The following MYO1H variants were observed in gnomAD, a reference collection of about 807,000 sequenced individuals.
MYO1H encodes myosin IH, also known as unconventional myosin-Ih.
MYO1H carries 118 observed loss-of-function variants against 149.3 expected under a neutral mutation model. The observed-to-expected ratio is 0.79, with a 90% CI of 0.68 to 0.92. The LOEUF (loss-of-function observed/expected upper bound fraction) is 0.92, where lower values mean the gene tolerates loss of function less well. Ranked by LOEUF, MYO1H falls within the 40% of genes least tolerant of loss-of-function variation. The pLI is 0.00. For missense variants in MYO1H, 1,212 were observed against 1,280.7 expected (o/e 0.95, Z 0.82); for synonymous variants, 447 against 465.2 (o/e 0.96, Z 0.50).
rs180730928 is a variant in MYO1H at position 109,442,714 on chromosome 12, G to C, written c.2688+442G>C. On this transcript the variant is annotated intron_variant, in intron 27 of 31. Transcript: ENST00000310903. ...GGTTTACTGAGAGGATGAATGAGTCGGTGGGCGAGAGGTGCTCAGGCTGCT... is the reference window on the plus strand; with the variant it reads ...GGTTTACTGAGAGGATGAATGAGTCCGTGGGCGAGAGGTGCTCAGGCTGCT... 1.3e-3 allele frequency among the ~76,000 whole-genome samples: 193 copies of C among 151,808 alleles called. 2 individuals are homozygous for C. Among genetic ancestry groups the C allele is most frequent in the African/African-American group, 4.5e-3 (187 of 41,388 alleles).
chr12:109,366,222 T>C (rs1210681572), intron 1 of MYO1H, among the ~76,000 whole-genome samples: 6 of 152,202 alleles, frequency 3.9e-5, no homozygotes, highest in African/African-American at 1.2e-4. Flanking sequence ...CAATCACTTC[T>C]TTTTGCAAAA....
chr12:109,415,533 C>G, exon 15 of MYO1H: 1 of 1,604,554 alleles, frequency 6.2e-7, no homozygotes. Context: ...TAGCCGTAAG[C>G]TGGCTGGTCC....
chr12:109,422,909 A>G (rs934164185), intron 16 of MYO1H, among the ~76,000 whole-genome samples: 1 of 151,834 alleles, frequency 6.6e-6, no homozygotes, highest in African/African-American at 2.4e-5. Flanking sequence ...CCCCATCCTT[A>G]TCAAAAAAAA....
rs200552365 is a variant in MYO1H at position 109,439,662 on chromosome 12, C to T, written c.2326C>T (p.Pro776Ser). 519 of 1,613,482 alleles carry T rather than the reference C, an allele frequency of 3.2e-4. No individual in the cohort carries two copies. The African/African-American group carries it at 5.9e-3, about 18-fold the overall frequency. ...TAAAGGATTCATCAGTCGCAACAAA[C>T]CCCTCTGTCCTGACAACGAGGAATT... Residue 776 changes from proline (P) to serine (S), a missense_variant, in exon 24 of 32, where the codon CCC becomes TCC. Pro to Ser is a moderately conservative substitution (Grantham distance 74). Coordinates refer to ENST00000310903, the Ensembl canonical transcript of MYO1H.
Position 109,443,009 on chromosome 12 carries a change from A to AATATATAT in MYO1H, c.2689-492_2689-485dup, listed in dbSNP as rs1335069078. Among the ~76,000 whole-genome samples, 4 of 58,496 alleles carry AATATATAT rather than the reference A, an allele frequency of 6.8e-5. 2 individuals are homozygous for AATATATAT. The highest frequency in any genetic ancestry group is 3.0e-4 in the Admixed American group (2 of 6,730). 38.4% of individuals were successfully genotyped at this position (58,496 alleles called of 152,430 possible). On this transcript the variant is annotated intron_variant, in intron 27 of 31. Transcript: ENST00000310903. ...TGCAGAGAGCCAGGAAAAAAAAAAA[A>AATATATAT]ATATATATATATATATATATGTGTG... is the stretch of plus-strand genomic sequence containing the variant.
chr12:109,375,233 G>A (rs1399477249), intron 1 of MYO1H, among the ~76,000 whole-genome samples: 1 of 148,770 alleles, frequency 6.7e-6, no homozygotes, highest in African/African-American at 2.5e-5. Context: ...GCTCACTGCA[G>A]CCTCCACCTC....
chr12:109,372,859 T>A (rs1869010216), intron 1 of MYO1H, among the ~76,000 whole-genome samples: 1 of 142,230 alleles, frequency 7.0e-6, no homozygotes, highest in African/African-American at 2.5e-5. Flanking sequence ...AATTAATAAC[T>A]ATATGATATT....
chr12:109,427,617 T>G, intron 19 of MYO1H, 31 bp downstream of exon 19: 1 of 1,424,588 alleles, frequency 7.0e-7, no homozygotes, highest in East Asian at 2.3e-5. Flanking sequence ...CTGAAGCCAA[T>G]AGTCATGTGC....
upstream of MYO1H, among the ~76,000 whole-genome samples, chr12:109,344,718 C>T (rs1432961644): frequency 6.6e-6 from 1 of 152,154 alleles, no homozygotes; most frequent in Non-Finnish European, 1.5e-5. Flanking sequence ...TTTTACATTT[C>T]CTGATTTTAA....
At chr12:109,389,990 G>GA (rs1252222863) in intron 2 of MYO1H, among the ~76,000 whole-genome samples, 2 of 152,016 alleles carry the variant, frequency 1.3e-5, no homozygotes, top group Admixed American at 6.6e-5. Context: ...ACAGGAAAAG[G>GA]AAAAAATAGC....
At chr12:109,432,862 G>A (rs1049579613) in intron 19 of MYO1H, 35 bp from the exon 20 acceptor site, 12 of 1,579,608 alleles carry the variant, frequency 7.6e-6, no homozygotes, top group South Asian at 3.3e-5. Flanking sequence ...AGGAAGGTAC[G>A]GTCACAGCTT....
chr12:109,425,218 C>A (rs1871312948), intron 17 of MYO1H, among the ~76,000 whole-genome samples: 1 of 152,156 alleles, frequency 6.6e-6, no homozygotes, highest in Non-Finnish European at 1.5e-5. Context: ...TCCATAGTCC[C>A]AGCTACTTTC....
At chr12:109,342,957 C>G (rs1377337106), upstream of MYO1H, among the ~76,000 whole-genome samples, 1 of 151,942 alleles carries the variant, frequency 6.6e-6, no homozygotes, top group African/African-American at 2.4e-5. Flanking sequence ...ATGGCTCATA[C>G]TTGTTATCCC....
In MYO1H at chr12:109,443,009, A is replaced by AAATAT. The variant is rs1371725807; in HGVS notation, c.2689-504_2689-503insATATA. ...TGCAGAGAGCCAGGAAAAAAAAAAA[A>AAATAT]ATATATATATATATATATATGTGTG... On this transcript the variant is annotated intron_variant, in intron 27 of 31. Transcript: ENST00000310903. Among the ~76,000 whole-genome samples the AAATAT allele has an allele frequency of 4.3e-4, 25 of 58,494 alleles. 6 individuals carry two copies. The highest frequency in any genetic ancestry group is 1.8e-3 in the African/African-American group (17 of 9,328). The allele number at this position is 58,494 out of a possible 152,430, so 38.4% of individuals were successfully genotyped here.
At position 109,388,593 on chromosome 12, in the gene MYO1H, G is replaced by C. The variant is rs1251905470; in HGVS notation, c.13-90G>C. On this transcript the variant is annotated intron_variant, in intron 1 of 31. Coordinates refer to ENST00000310903, the Ensembl canonical transcript of MYO1H. ...TTAATGCTGGCTCTCTACTATCCCA[G>C]GGTTTAGCATCTTGTTATTTCCATG... 3.3e-6 allele frequency: 4 copies of C among 1,209,218 alleles called. No homozygotes were observed. In the Admixed American group the frequency reaches 1.0e-4, roughly 31 times the overall value. The allele number at this position is 1,209,218 out of a possible 1,614,324, so 74.9% of individuals were successfully genotyped here.
At chr12:109,379,744 T>G (rs2137023573) in intron 1 of MYO1H, among the ~76,000 whole-genome samples, 1 of 144,550 alleles carries the variant, frequency 6.9e-6, no homozygotes, top group East Asian at 2.0e-4. Flanking sequence ...TTTTTTTTTT[T>G]TTTTTTTGAG....
intron 6 of MYO1H, among the ~76,000 whole-genome samples, chr12:109,402,300 T>A (rs1432789791): frequency 2.6e-5 from 4 of 152,250 alleles, no homozygotes; most frequent in African/African-American, 9.6e-5. Context: ...ACATTTTTTT[T>A]ATTTTTCTCT....
the MYO1H span, among the ~76,000 whole-genome samples, chr12:109,341,815 T>C: frequency 1.3e-5 from 2 of 152,296 alleles, no homozygotes; most frequent in South Asian, 4.1e-4. Flanking sequence ...CCTGGGTTAT[T>C]ACTAGAGTTA....
At chr12:109,350,178 G>A (rs952437784) in intron 1 of MYO1H, among the ~76,000 whole-genome samples, 1 of 152,044 alleles carries the variant, frequency 6.6e-6, no homozygotes, top group Non-Finnish European at 1.5e-5. Flanking sequence ...TAGTTCGCAG[G>A]TGATTCATTC....
Sources: gnomAD v4.1 joint callset for allele counts (sites outside exome capture counted in the v4.1 genomes callset) on GRCh38, gnomAD v4.1.1 for gene constraint, MANE v1.5 for transcripts, NCBI Gene and HGNC (gene_info 2026-07-23, HGNC 2026-07-21) for gene names.